The following ZNF804B variants were observed in gnomAD, a reference collection of about 807,000 sequenced individuals.
The protein encoded by ZNF804B is zinc finger protein 804B.
Under a neutral mutation model 101.4 loss-of-function variants are expected in ZNF804B, and 80 were observed. That is an observed-to-expected ratio of 0.79 (90% confidence interval 0.66 to 0.95). The LOEUF (loss-of-function observed/expected upper bound fraction) is 0.95, where lower values mean the gene tolerates loss of function less well. ZNF804B is among the 40% of genes least tolerant of loss of function. The pLI is 0.00. For synonymous variants in ZNF804B, 622 were observed against 558.8 expected, an observed-to-expected ratio of 1.11 and a Z score of -1.59; for missense variants, 1,673 against 1,561.9, an observed-to-expected ratio of 1.07 and a Z score of -1.20.
chr7:88,810,547 A>T (rs2115733398), intron 1 of ZNF804B, among the ~76,000 whole-genome samples: 1 of 151,972 alleles, frequency 6.6e-6, no homozygotes, highest in African/African-American at 2.4e-5. Context: ...CTGTAGTCCC[A>T]GCTACTCGAG....
rs902354986 is a variant in ZNF804B at position 89,199,388 on chromosome 7, C to T, written c.109-18767C>T. On this transcript the variant is annotated intron_variant, in intron 1 of 3. Transcript: ENST00000333190. ...AGTACAGCACATTCAAATCTAATGT[C>T]ATGTTTTTATATTGCTGTTAAAATC... is the stretch of plus-strand genomic sequence containing the variant. Among the ~76,000 whole-genome samples the T allele has an allele frequency of 3.9e-5, 6 of 152,022 alleles. No individual in the cohort carries two copies. In the South Asian group the frequency reaches 1.0e-3, roughly 26 times the overall value.
At chr7:89,147,151 C>T (rs1410410463) in intron 1 of ZNF804B, among the ~76,000 whole-genome samples, 1 of 150,188 alleles carries the variant, frequency 6.7e-6, no homozygotes, top group Non-Finnish European at 1.5e-5. Flanking sequence ...TAATAATAAA[C>T]ATTAATATAC....
chr7:88,867,586 T>C (rs6465170), intron 1 of ZNF804B, among the ~76,000 whole-genome samples: 71,283 of 152,008 alleles, frequency 0.47, 19,083 homozygotes, highest in African/African-American at 0.73. Context: ...CCTAGGGAAA[T>C]ACTCTCAAAG....
intron 2 of ZNF804B, among the ~76,000 whole-genome samples, chr7:89,311,986 C>T (rs187969106): frequency 5.3e-5 from 8 of 152,166 alleles, no homozygotes; most frequent in African/African-American, 9.6e-5. Context: ...GAAAGGATCT[C>T]GGTAATGCCT....
intron 1 of ZNF804B, among the ~76,000 whole-genome samples, chr7:89,046,050 C>T (rs144555178): frequency 1.4e-3 from 219 of 152,130 alleles, no homozygotes; most frequent in African/African-American, 5.1e-3. Flanking sequence ...ATCATGGAGA[C>T]GTTACCCCCA....
intron 1 of ZNF804B, among the ~76,000 whole-genome samples, chr7:89,027,869 C>T (rs1043154999): frequency 3.9e-5 from 6 of 152,146 alleles, no homozygotes; most frequent in Admixed American, 3.9e-4. Flanking sequence ...TGCTTATGCC[C>T]TCAATGTTCT....
intron 1 of ZNF804B, among the ~76,000 whole-genome samples, chr7:89,071,971 C>T (rs1319349584): frequency 6.6e-6 from 1 of 152,074 alleles, no homozygotes; most frequent in African/African-American, 2.4e-5. Context: ...GGTCAAAGAC[C>T]ATAATCCTTG....
chr7:88,803,926 G>A (rs1790646022), intron 1 of ZNF804B, among the ~76,000 whole-genome samples: 1 of 151,962 alleles, frequency 6.6e-6, no homozygotes, highest in South Asian at 2.1e-4. Context: ...GCAAATAAGA[G>A]GCAGTGAAAG....
At chr7:89,282,842 C>A (rs923344565) in intron 2 of ZNF804B, among the ~76,000 whole-genome samples, 1 of 152,136 alleles carries the variant, frequency 6.6e-6, no homozygotes, top group Non-Finnish European at 1.5e-5. Context: ...AGAGGCAAGA[C>A]CCAGAGTTTC....
intron 1 of ZNF804B, among the ~76,000 whole-genome samples, chr7:88,835,323 C>A (rs1476131689): frequency 1.3e-5 from 2 of 151,642 alleles, no homozygotes; most frequent in African/African-American, 4.8e-5. Context: ...CCCCTTGTGT[C>A]GATATATTGA....
intron 2 of ZNF804B, among the ~76,000 whole-genome samples, chr7:89,304,719 T>C (rs966774879): frequency 2.6e-5 from 4 of 151,936 alleles, no homozygotes; most frequent in African/African-American, 4.8e-5. Flanking sequence ...GTCATGGCAG[T>C]ATAGTGTCAG....
chr7:88,794,392 T>A, intron 1 of ZNF804B: 1 of 1,613,840 alleles, frequency 6.2e-7, no homozygotes, highest in Non-Finnish European at 8.5e-7. Flanking sequence ...CTGGCAAAGG[T>A]AGAGTGACAG....
chr7:89,287,791 A>T (rs1361670180), intron 2 of ZNF804B, among the ~76,000 whole-genome samples: 2 of 152,194 alleles, frequency 1.3e-5, no homozygotes, highest in African/African-American at 4.8e-5. Flanking sequence ...CTGGGCATTT[A>T]TGTGCAAACT....
chr7:88,856,784 A>T (rs1791566267), intron 1 of ZNF804B, among the ~76,000 whole-genome samples: 1 of 152,176 alleles, frequency 6.6e-6, no homozygotes, highest in African/African-American at 2.4e-5. Context: ...ACGTCCCATC[A>T]ATACCTAGTT....
intron 1 of ZNF804B, among the ~76,000 whole-genome samples, chr7:88,792,926 T>C (rs1398816916): frequency 1.3e-5 from 2 of 152,086 alleles, no homozygotes; most frequent in Admixed American, 6.6e-5. Context: ...TTGTTTATTA[T>C]ATACATTTTG....
intron 1 of ZNF804B, among the ~76,000 whole-genome samples, chr7:89,185,624 G>T (rs140736126): frequency 2.0e-5 from 3 of 152,260 alleles, no homozygotes; most frequent in African/African-American, 7.2e-5. Context: ...ACTTTGAAAG[G>T]ACGAGGCAGG....
intron 1 of ZNF804B, among the ~76,000 whole-genome samples, chr7:89,112,081 A>C (rs1346055450): frequency 7.0e-6 from 1 of 142,304 alleles, no homozygotes; most frequent in African/African-American, 2.7e-5. Flanking sequence ...GCTCCAGCCT[A>C]GGTGACAGAG....
At chr7:89,265,291 T>TGTGTGTGTGTGTGTGTGTGC (rs1554386380) in intron 2 of ZNF804B, among the ~76,000 whole-genome samples, 1 of 63,680 alleles carries the variant, frequency 1.6e-5, no homozygotes, top group African/African-American at 6.0e-5. Context: ...TGTGTGTGTG[T>TGTGTGTGTGTGTGTGTGTGC]GTGCGCGTGC....
At chr7:88,843,409 A>G (rs1024441651) in intron 1 of ZNF804B, among the ~76,000 whole-genome samples, 1 of 152,184 alleles carries the variant, frequency 6.6e-6, no homozygotes, top group East Asian at 1.9e-4. Context: ...TGATGTCACT[A>G]TAAATAATTC....
Sources: allele counts gnomAD v4.1 joint callset (sites outside exome capture counted in the v4.1 genomes callset), GRCh38; gene constraint gnomAD v4.1.1; transcripts MANE v1.5; gene names NCBI Gene and HGNC (gene_info 2026-07-23, HGNC 2026-07-21).